The following MPIG6B variants were observed in gnomAD, a reference collection of about 807,000 sequenced individuals.
MPIG6B encodes the protein immunoglobulin receptor.
Under a neutral mutation model 24.2 loss-of-function variants are expected in MPIG6B, and 22 were observed. The ratio of observed to expected loss-of-function variants is 0.91; its 90% CI spans 0.65 to 1.30. MPIG6B has a LOEUF of 1.30. Among genes scored for constraint, MPIG6B ranks in the 50% most tolerant of loss-of-function variants. The pLI is 0.00. For synonymous variants in MPIG6B, 136 were observed against 142.0 expected (o/e 0.96, Z 0.30); for missense variants, 301 against 318.5 (o/e 0.94, Z 0.42).
Position 31,723,486 on chromosome 6 carries a change from T to C in MPIG6B, c.61+42T>C. 6.3e-7 allele frequency: 1 copy of C among 1,582,904 alleles called. No homozygotes were observed. The highest frequency in any genetic ancestry group is 8.7e-7 in the Non-Finnish European group (1 of 1,153,142). On this transcript the variant is annotated intron_variant, in intron 1 of 5. Transcript: ENST00000649779. This position sits in a 1 kb window ranked among gnomAD's most constrained non-coding sequence, Gnocchi z 4.3. ...AGAGTTGTGATAGACGCAGAGGGGC[T>C]GAAGCAAGATAAGGGCCGCCTAGTA...
upstream of MPIG6B, chr6:31,721,564 G>T: frequency 6.7e-7 from 1 of 1,499,882 alleles, no homozygotes; most frequent in Non-Finnish European, 9.2e-7. Flanking sequence ...CCGGGAAGTG[G>T]GTAGAGCAGG....
In MPIG6B at chr6:31,724,985, G is replaced by C; in HGVS notation, c.637G>C (p.Asp213His). 6.2e-7 allele frequency: 1 copy of C among 1,614,056 alleles called. No homozygotes were observed. The highest frequency in any genetic ancestry group is 8.5e-7 in the Non-Finnish European group (1 of 1,179,988). ...CCTCCTCCAGAGCCTGCTCTATGCG[G>C]ATCTGGACCATCTAGCCCTCAGCAG... ...LDQEPSLLYADLDHLALSRPR... is the reference protein window; with the variant it reads ...LDQEPSLLYAHLDHLALSRPR... Residue 213 changes from aspartate to histidine, a missense_variant, in exon 6 of 6, where the codon GAT (aspartate) becomes CAT (histidine). Physicochemically the swap from Asp to His is moderately conservative, Grantham distance 81. Coordinates refer to ENST00000649779, the MANE Select transcript of MPIG6B (RefSeq NM_138272.3).
At chr6:31,720,663 C>T (rs1806728399), upstream of MPIG6B, among the ~76,000 whole-genome samples, 1 of 152,166 alleles carries the variant, frequency 6.6e-6, no homozygotes, top group Non-Finnish European at 1.5e-5. This position sits in a 1 kb window ranked among gnomAD's most constrained non-coding sequence, Gnocchi z 4.9. Flanking sequence ...AGAAAGCCAT[C>T]TGTGGCCAGC....
rs775582207 is a variant in MPIG6B at position 31,723,794 on chromosome 6, AC to A, written c.219del (p.Val74CysfsTer25). The A allele has an allele frequency of 6.2e-7, 1 of 1,613,762 alleles. No homozygotes were observed. The highest frequency in any genetic ancestry group is 2.2e-5 in the East Asian group (1 of 44,870). On this transcript the variant is annotated frameshift_variant, in exon 2 of 6. Coordinates refer to ENST00000649779, the MANE Select transcript of MPIG6B (RefSeq NM_138272.3). LOFTEE classifies it high-confidence loss of function. This position sits in a 1 kb window ranked among gnomAD's most constrained non-coding sequence, Gnocchi z 4.3. Reference sequence around the variant, plus strand: ...GTGGGCCTCTTCGAGCGGGACCCCCACCGTGCCTCCCCTCCAGCCTTTCGTC... The same window carrying A: ...GTGGGCCTCTTCGAGCGGGACCCCCACGTGCCTCCCCTCCAGCCTTTCGTC... ...ILWASSSGTPTVPPLQPFVGR... is the reference protein window; with the variant it reads ...ILWASSSGTPXVPPLQPFVGR...
At chr6:31,720,343 C>A, upstream of MPIG6B, 1 of 628,208 alleles carries the variant, frequency 1.6e-6, no homozygotes, top group Non-Finnish European at 2.9e-6. The surrounding 1 kb of genome is among the most constrained non-coding windows in gnomAD (Gnocchi z 4.9). Context: ...GTCTAGCAAG[C>A]ACAGAGCAGG....
At position 31,724,238 on chromosome 6, in the gene MPIG6B, C is replaced by T. The variant is rs1266042650; in HGVS notation, c.500+6C>T. ...CTGGTCTGGTGGCTGCACAGGTGAG[C>T]AGGAGGGACCCGGCCTCGTTAAATG... is the stretch of plus-strand genomic sequence containing the variant. On this transcript the variant is annotated splice_donor_region_variant and intron_variant, in intron 3 of 5. Coordinates refer to ENST00000649779, the MANE Select transcript of MPIG6B (RefSeq NM_138272.3). The T allele has an allele frequency of 1.2e-6, 2 of 1,609,712 alleles. No individual in the cohort carries two copies. Among genetic ancestry groups the T allele is most frequent in the Non-Finnish European group, 1.7e-6 (2 of 1,177,438 alleles).
chr6:31,726,569 TAG>T lies in MPIG6B; in HGVS notation c.*1497_*1498del, dbSNP rs1807382659. The T allele has an allele frequency of 6.6e-6, 1 of 152,244 alleles. No homozygotes were observed. The highest frequency in any genetic ancestry group is 2.4e-5 in the African/African-American group (1 of 41,448). The allele number at this position is 152,244 out of a possible 1,614,324, so 9.4% of individuals were successfully genotyped here. On this transcript the variant is annotated 3_prime_UTR_variant, in exon 6 of 6. Transcript: ENST00000649779. The surrounding 1 kb of genome is among the most constrained non-coding windows in gnomAD (Gnocchi z 5.1). ...GGGCGCACCCCCTTTATTTCCCTCA[TAG>T]AAACAGCCTTCTGTAAATTGTTCCA...
At position 31,725,052 on chromosome 6, in the gene MPIG6B, C is replaced by T. The variant is rs759711573; in HGVS notation, c.704C>T (p.Thr235Ile). The change falls in exon 6 of 6, where the codon ACC becomes ATC. Residue 235 changes from threonine (T) to isoleucine (I), a missense_variant. Coordinates refer to ENST00000649779, the MANE Select transcript of MPIG6B (RefSeq NM_138272.3). This position sits in a 1 kb window ranked among gnomAD's most constrained non-coding sequence, Gnocchi z 5.2. The part of the protein sequence containing the change: ...LSTADPADAS[T>I]IYAVVV ...ACAGCGGACCCTGCTGATGCCTCCACCATCTATGCAGTTGTAGTTTGAAGG... is the reference window on the plus strand; with the variant it reads ...ACAGCGGACCCTGCTGATGCCTCCATCATCTATGCAGTTGTAGTTTGAAGG... 3.1e-6 allele frequency: 5 copies of T among 1,613,078 alleles called. No individual in the cohort carries two copies. Among genetic ancestry groups the T allele is most frequent in the Non-Finnish European group, 4.2e-6 (5 of 1,179,734 alleles).
At chr6:31,721,636 C>G, upstream of MPIG6B, 1 of 1,613,830 alleles carries the variant, frequency 6.2e-7, no homozygotes, top group Non-Finnish European at 8.5e-7. Context: ...ACCTGAGACC[C>G]AGCAGAGCAG....
Position 31,724,177 on chromosome 6 carries a change from G to T in MPIG6B, c.445G>T (p.Gly149Cys). ...TCCCCAGCTCCTGATCCCGCTGCTG[G>T]GCGCTGGGTTGGTGCTCGGACTGGG... Reference protein sequence around the residue: ...VYPQLLIPLLGAGLVLGLGAL... With the variant: ...VYPQLLIPLLCAGLVLGLGAL... Residue 149 changes from glycine to cysteine, a missense_variant, in exon 3 of 6, where the codon GGC (glycine) becomes TGC (cysteine). By Grantham distance (159) the Gly-to-Cys change is radical. Transcript: ENST00000649779. The T allele has an allele frequency of 6.2e-7, 1 of 1,613,342 alleles. No homozygotes were observed.
Position 31,723,607 on chromosome 6 carries a change from G to A in MPIG6B, c.62-32G>A, listed in dbSNP as rs761270312. ...TGGAGGGTCGTCTTGCCCTGTGGACGTGCCCTAACCACAGCCTCCGGCCTC... is the reference window on the plus strand; with the variant it reads ...TGGAGGGTCGTCTTGCCCTGTGGACATGCCCTAACCACAGCCTCCGGCCTC... On this transcript the variant is annotated intron_variant, in intron 1 of 5. Coordinates refer to ENST00000649779, the MANE Select transcript of MPIG6B (RefSeq NM_138272.3). The surrounding 1 kb of genome is among the most constrained non-coding windows in gnomAD (Gnocchi z 4.3). 6.6e-6 allele frequency: 10 copies of A among 1,508,928 alleles called. No homozygotes were observed. In the South Asian group the frequency reaches 1.1e-4, roughly 17 times the overall value. 93.5% of individuals were successfully genotyped at this position (1,508,928 alleles called of 1,614,324 possible).
At position 31,724,996 on chromosome 6, in the gene MPIG6B, T is replaced by C. The variant is rs767496306; in HGVS notation, c.648T>C (p.His216=). Residue 216 remains histidine (H), a synonymous_variant, in exon 6 of 6, where the codon CAT becomes CAC. Transcript: ENST00000649779. ...EPSLLYADLD[H]LALSRPRRLS... The stretch of plus-strand genomic sequence containing the variant: ...GCCTGCTCTATGCGGATCTGGACCA[T>C]CTAGCCCTCAGCAGGCCCCGCCGGC... 2 of 1,613,868 alleles carry C rather than the reference T, an allele frequency of 1.2e-6. No individual in the cohort carries two copies. Among genetic ancestry groups the C allele is most frequent in the South Asian group, 2.2e-5 (2 of 91,084 alleles).
At chr6:31,721,277 G>A (rs1806765608), upstream of MPIG6B, among the ~76,000 whole-genome samples, 1 of 152,166 alleles carries the variant, frequency 6.6e-6, no homozygotes, top group South Asian at 2.1e-4. Context: ...AGGCAGGTAA[G>A]CTAGACTCTG....
Position 31,725,989 on chromosome 6 carries a change from C to G in MPIG6B, c.*915C>G, listed in dbSNP as rs1807335557. The G allele has an allele frequency of 6.6e-6, 1 of 152,420 alleles. No individual in the cohort carries two copies. The highest frequency in any genetic ancestry group is 2.4e-5 in the African/African-American group (1 of 41,426). 9.4% of individuals were successfully genotyped at this position (152,420 alleles called of 1,614,324 possible). On this transcript the variant is annotated 3_prime_UTR_variant, in exon 6 of 6. Coordinates refer to ENST00000649779, the MANE Select transcript of MPIG6B (RefSeq NM_138272.3). This position sits in a 1 kb window ranked among gnomAD's most constrained non-coding sequence, Gnocchi z 5.2. ...TGCCCAACCCAGAAACTGGGAGTCA[C>G]GCAGACCTCCTTTCTCTCTTACTCC...
rs772216041 is a variant in MPIG6B at position 31,723,955 on chromosome 6, G to A, written c.378G>A (p.Arg126=). 1.1e-5 allele frequency: 17 copies of A among 1,558,422 alleles called. No individual in the cohort carries two copies. In the East Asian group the frequency reaches 3.8e-4, roughly 35 times the overall value. Residue 126 remains arginine, a synonymous_variant, in exon 2 of 6, where the codon AGG becomes AGA. Transcript: ENST00000649779. This position sits in a 1 kb window ranked among gnomAD's most constrained non-coding sequence, Gnocchi z 4.3. Reference sequence around the variant, plus strand: ...CAGTGCTTCACGTGCTGGGGGACAGGACCTATTGCAAGGCCCCCGGGCCTA... The same window carrying A: ...CAGTGCTTCACGTGCTGGGGGACAGAACCTATTGCAAGGCCCCCGGGCCTA... The part of the protein sequence containing the change: ...SRTVLHVLGD[R]TYCKAPGPTH...
chr6:31,725,265 C>A lies in MPIG6B; in HGVS notation c.*191C>A, dbSNP rs1807263688. ...CTTACTTCTAAACTTACTCCCATCT[C>A]TCCTATAACCTCCATGTCTCCCTCA... is the stretch of plus-strand genomic sequence containing the variant. On this transcript the variant is annotated 3_prime_UTR_variant, in exon 6 of 6. Transcript: ENST00000649779. The surrounding 1 kb of genome is among the most constrained non-coding windows in gnomAD (Gnocchi z 5.2). 2 of 591,134 alleles carry A rather than the reference C, an allele frequency of 3.4e-6. No individual in the cohort carries two copies. The highest frequency in any genetic ancestry group is 6.0e-6 in the Non-Finnish European group (2 of 333,012). 36.6% of individuals were successfully genotyped at this position (591,134 alleles called of 1,614,324 possible). A position where few individuals can be genotyped will look rare whatever the true frequency, so the allele number is the denominator to read the frequency against.
At position 31,723,894 on chromosome 6, in the gene MPIG6B, T is replaced by G. The variant is rs773187697; in HGVS notation, c.317T>G (p.Phe106Cys). ...TTGAGCGCGGGGGACTCGGGCACTTTTTTCTGCAAGGGCCGCCACGAGGAC... is the reference window on the plus strand; with the variant it reads ...TTGAGCGCGGGGGACTCGGGCACTTGTTTCTGCAAGGGCCGCCACGAGGAC... ...LLLSAGDSGT[F>C]FCKGRHEDES... is the part of the protein sequence containing the mutation. The change falls in exon 2 of 6, where the codon TTT becomes TGT. Residue 106 changes from phenylalanine (F) to cysteine (C), a missense_variant. Transcript: ENST00000649779. This position sits in a 1 kb window ranked among gnomAD's most constrained non-coding sequence, Gnocchi z 4.3. 2 of 1,607,416 alleles carry G rather than the reference T, an allele frequency of 1.2e-6. No individual in the cohort carries two copies. The highest frequency in any genetic ancestry group is 3.4e-5 in the Admixed American group (2 of 59,002).
chr6:31,721,651 G>A (rs1806795520), upstream of MPIG6B: 4 of 1,614,104 alleles, frequency 2.5e-6, no homozygotes, highest in Non-Finnish European at 3.4e-6. Context: ...GAGCAGAACA[G>A]ACAGGGTGAG....
In MPIG6B at chr6:31,723,450, C is replaced by A; in HGVS notation, c.61+6C>A. On this transcript the variant is annotated splice_donor_region_variant and intron_variant, in intron 1 of 5. Transcript: ENST00000649779. The surrounding 1 kb of genome is among the most constrained non-coding windows in gnomAD (Gnocchi z 4.3). ...GGCCCAAGGGAACCCTGGGGGTAAG[C>A]GATCCCTGGGAGAGTTGTGATAGAC... 1.2e-6 allele frequency: 2 copies of A among 1,611,164 alleles called. No individual in the cohort carries two copies. The highest frequency in any genetic ancestry group is 1.7e-6 in the Non-Finnish European group (2 of 1,178,198).
Sources: gnomAD v4.1 joint callset for allele counts (sites outside exome capture counted in the v4.1 genomes callset) on GRCh38, gnomAD v4.1.1 for gene constraint, Gnocchi (gnomAD v3.1) non-coding constraint, MANE v1.5 for transcripts, NCBI Gene and HGNC (gene_info 2026-07-23, HGNC 2026-07-21) for gene names.